The following C11orf54 variants were observed in gnomAD, a reference collection of about 807,000 sequenced individuals.
C11orf54 encodes beta-keto-L-gulonate decarboxylase, also known as beta-keto L-gulonate decarboxylase.
In C11orf54, 29 loss-of-function variants were observed where a neutral mutation model predicts 35.5. That is an observed-to-expected ratio of 0.82 (90% CI 0.61 to 1.11). The LOEUF (loss-of-function observed/expected upper bound fraction) is 1.11. C11orf54 is among the 50% of genes most tolerant of loss of function. The pLI is 0.00. For synonymous variants in C11orf54, 108 were observed against 121.1 expected, an observed-to-expected ratio of 0.89 and a Z score of 0.71; for missense variants, 373 against 369.2, an observed-to-expected ratio of 1.01 and a Z score of -0.08.
intron 1 of C11orf54, among the ~76,000 whole-genome samples, chr11:93,745,675 T>G (rs1359189876): frequency 6.6e-6 from 1 of 152,174 alleles, no homozygotes; most frequent in Non-Finnish European, 1.5e-5. Context: ...TAAAATAATT[T>G]AAGTATGATT....
At chr11:93,743,293 G>A (rs1049651960) in intron 1 of C11orf54, among the ~76,000 whole-genome samples, 3 of 151,584 alleles carry the variant, frequency 2.0e-5, no homozygotes, top group Admixed American at 1.3e-4. Context: ...GAATCACCGC[G>A]CCCGGCCACA....
chr11:93,754,408 TC>T (rs1943017629), intron 5 of C11orf54, among the ~76,000 whole-genome samples: 1 of 152,234 alleles, frequency 6.6e-6, no homozygotes, highest in South Asian at 2.1e-4. Context: ...ATATTAGTGA[TC>T]TAGTCAACTC....
chr11:93,758,769 C>T (rs968179612), intron 7 of C11orf54, among the ~76,000 whole-genome samples: 8 of 152,242 alleles, frequency 5.3e-5, no homozygotes, highest in African/African-American at 1.9e-4. Context: ...CTTCAGGCAC[C>T]CCTTGGCACC....
chr11:93,751,399 G>GTTTTTTT (rs71064778), intron 3 of C11orf54, among the ~76,000 whole-genome samples: 2 of 74,708 alleles, frequency 2.7e-5, no homozygotes, highest in African/African-American at 1.1e-4. Flanking sequence ...CTTTTTTATA[G>GTTTTTTT]TTTTTTTTTT....
chr11:93,761,554 C>T lies in C11orf54; in HGVS notation c.814C>T (p.Arg272Cys). 4 of 1,610,088 alleles carry T rather than the reference C, an allele frequency of 2.5e-6. No individual in the cohort carries two copies. The highest frequency in any genetic ancestry group is 2.2e-5 in the East Asian group (1 of 44,664). Residue 272 changes from arginine to cysteine, a missense_variant, in exon 9 of 9, where the codon CGT becomes TGT. By Grantham distance (180) the Arg-to-Cys change is radical. Coordinates refer to ENST00000354421, the MANE Select transcript of C11orf54 (RefSeq NM_001286069.2). ...LRLEHTHFFSRHGEGGHYHYD... is the reference protein window; with the variant it reads ...LRLEHTHFFSCHGEGGHYHYD... ...ACTGGAGCACACTCATTTTTTTAGT[C>T]GTCATGGAGAAGGTGGACACTACCA...
intron 6 of C11orf54, among the ~76,000 whole-genome samples, chr11:93,756,505 A>G (rs1433079972): frequency 6.8e-6 from 1 of 146,674 alleles, no homozygotes; most frequent in Admixed American, 6.9e-5. Flanking sequence ...AAAAAAAAAA[A>G]GACTACTTAG....
intron 7 of C11orf54, among the ~76,000 whole-genome samples, chr11:93,757,854 T>C (rs670871): frequency 0.55 from 84,305 of 152,076 alleles, 24,785 homozygotes; most frequent in Admixed American, 0.69. Context: ...AAAGTATGTG[T>C]TGGGAATTCT....
intron 2 of C11orf54, among the ~76,000 whole-genome samples, chr11:93,749,129 G>T (rs1263520406): frequency 6.8e-6 from 1 of 147,314 alleles, no homozygotes; most frequent in Non-Finnish European, 1.5e-5. Flanking sequence ...GGGTGACAGG[G>T]TGAGACTCCA....
chr11:93,757,067 C>T (rs1259339665), intron 6 of C11orf54, among the ~76,000 whole-genome samples: 1 of 152,022 alleles, frequency 6.6e-6, no homozygotes, highest in African/African-American at 2.4e-5. Context: ...TTCTCAGTTT[C>T]TCAGTTCAAG....
chr11:93,752,665 T>C (rs1296046453), intron 3 of C11orf54, among the ~76,000 whole-genome samples: 4 of 152,120 alleles, frequency 2.6e-5, no homozygotes, highest in African/African-American at 4.8e-5. Context: ...TATCTGGGTA[T>C]TTTTTAAATC....
intron 7 of C11orf54, among the ~76,000 whole-genome samples, chr11:93,758,368 C>A (rs779872913): frequency 5.3e-5 from 8 of 152,218 alleles, no homozygotes; most frequent in Non-Finnish European, 1.2e-4. Context: ...GCAGCTGCAG[C>A]AGCTCAAACC....
Position 93,750,902 on chromosome 11 carries a change from TAGA to T in C11orf54, c.154+463_154+465del, listed in dbSNP as rs532800540. Among the ~76,000 whole-genome samples, 10 of 152,342 alleles carry T rather than the reference TAGA, an allele frequency of 6.6e-5. No individual in the cohort carries two copies. The South Asian group carries it at 2.1e-3, about 32-fold the overall frequency. On this transcript the variant is annotated intron_variant, in intron 3 of 8. Coordinates refer to ENST00000354421, the MANE Select transcript of C11orf54 (RefSeq NM_001286069.2). ...AGTGAGAAGGAAGGGAAATTAGTAT[TAGA>T]AGAATAAAATAATTTGTCAGTATGA...
In C11orf54 at chr11:93,755,372, G is replaced by A. The variant is rs752522273; in HGVS notation, c.493G>A (p.Gly165Ser). 5.0e-6 allele frequency: 8 copies of A among 1,613,810 alleles called. No individual in the cohort carries two copies. Among genetic ancestry groups the A allele is most frequent in the African/African-American group, 1.3e-5 (1 of 75,038 alleles). ...ALLANLFASE[G>S]QPGKVIEVKA... Reference sequence around the variant, plus strand: ...ACTGGCTAATCTTTTTGCCAGTGAAGGCCAACCTGGCAAGGTGATTGTGTC... The same window carrying A: ...ACTGGCTAATCTTTTTGCCAGTGAAAGCCAACCTGGCAAGGTGATTGTGTC... The change falls in exon 6 of 9, where the codon GGC becomes AGC. Residue 165 changes from glycine to serine, a missense_variant. Transcript: ENST00000354421.
At chr11:93,750,968 C>T (rs889122940) in intron 3 of C11orf54, among the ~76,000 whole-genome samples, 1 of 152,144 alleles carries the variant, frequency 6.6e-6, no homozygotes, top group East Asian at 1.9e-4. Flanking sequence ...TACAATAACA[C>T]CACAAGGTAA....
rs187901537 is a variant in C11orf54, at chr11:93,744,267, A to G, written c.-98+2539A>G. ...TCCCTAATAAGTACCCCTAATAAGT[A>G]CATTTCTAAACCAGTTATTCAAGCT... On this transcript the variant is annotated intron_variant, in intron 1 of 8. Transcript: ENST00000354421. Among the ~76,000 whole-genome samples the G allele has an allele frequency of 5.3e-5, 8 of 152,344 alleles. No individual in the cohort carries two copies. The East Asian group carries it at 1.5e-3, about 29-fold the overall frequency.
rs1045932036 is a variant in C11orf54, at chr11:93,747,512, TTCTAAGA to T, written c.55+69_55+75del. Reference sequence around the variant, plus strand: ...CCAAGAGAAAATTCTTTTAAAAAGATTCTAAGATCTATCTATATCTTACTACTTATGT... The same window carrying T: ...CCAAGAGAAAATTCTTTTAAAAAGATTCTATCTATATCTTACTACTTATGT... On this transcript the variant is annotated intron_variant, in intron 2 of 8. Transcript: ENST00000354421. 2.3e-6 allele frequency: 3 copies of T among 1,290,126 alleles called. No homozygotes were observed. The African/African-American group carries it at 4.6e-5, about 20-fold the overall frequency. The allele number at this position is 1,290,126 out of a possible 1,614,324, so 79.9% of individuals were successfully genotyped here. A position where few individuals can be genotyped will look rare whatever the true frequency, so the allele number is the denominator to read the frequency against.
chr11:93,749,734 C>A (rs1034777368), intron 2 of C11orf54, among the ~76,000 whole-genome samples: 1 of 152,136 alleles, frequency 6.6e-6, no homozygotes, highest in Non-Finnish European at 1.5e-5. Context: ...TACATTGTTA[C>A]TGAGGTATAA....
intron 1 of C11orf54, among the ~76,000 whole-genome samples, chr11:93,745,312 A>T (rs1361812831): frequency 6.6e-6 from 1 of 152,102 alleles, no homozygotes; most frequent in Non-Finnish European, 1.5e-5. Context: ...AGTGGGGGGA[A>T]TTCTTGGACA....
intron 1 of C11orf54, chr11:93,746,952 GA>G (rs1164403348): frequency 6.6e-6 from 1 of 152,410 alleles, no homozygotes; most frequent in Non-Finnish European, 1.5e-5. Context: ...CCCACCATTA[GA>G]AAATTGGATG....
Sources: gnomAD v4.1 joint callset for allele counts (sites outside exome capture counted in the v4.1 genomes callset) on GRCh38, gnomAD v4.1.1 for gene constraint, MANE v1.5 for transcripts, NCBI Gene and HGNC (gene_info 2026-07-23, HGNC 2026-07-21) for gene names.